Variants in MBOAT2 observed in about 807,000 individuals in gnomAD.
MBOAT2 encodes the protein membrane-bound glycerophospholipid O-acyltransferase 2.
In MBOAT2, 28 loss-of-function variants were observed where a neutral mutation model predicts 63.4. The ratio of observed to expected loss-of-function variants is 0.44; its 90% CI spans 0.33 to 0.61. The LOEUF (loss-of-function observed/expected upper bound fraction) is 0.61, where lower values mean the gene tolerates loss of function less well. Ranked by LOEUF, MBOAT2 falls within the 20% of genes least tolerant of loss-of-function variation. The probability of loss-of-function intolerance (pLI) is 0.03; values close to 1 mark genes in which losing one functional copy is unlikely to be tolerated. For missense variants in MBOAT2, 470 were observed against 605.8 expected (o/e 0.78, Z 2.35); for synonymous variants, 211 against 215.6 (o/e 0.98, Z 0.19).
intron 3 of MBOAT2, among the ~76,000 whole-genome samples, chr2:8,922,930 T>G (rs1666683081): frequency 6.6e-6 from 1 of 152,226 alleles, no homozygotes; most frequent in African/African-American, 2.4e-5. Context: ...CCAAATCAAG[T>G]CAGCTGGTTT....
At chr2:8,966,384 G>A (rs1178259378) in intron 1 of MBOAT2, among the ~76,000 whole-genome samples, 2 of 152,200 alleles carry the variant, frequency 1.3e-5, no homozygotes, top group Non-Finnish European at 2.9e-5. Context: ...CAAGCGCCCT[G>A]TGCTGGAATC....
At position 8,864,140 on chromosome 2, in the gene MBOAT2, C is replaced by T. The variant is rs138909690; in HGVS notation, c.1052+30G>A. 5.3e-5 allele frequency: 80 copies of T among 1,499,594 alleles called. No individual in the cohort carries two copies. In the African/African-American group the frequency reaches 1.1e-3, roughly 20 times the overall value. 92.9% of individuals were successfully genotyped at this position (1,499,594 alleles called of 1,614,324 possible). A position where few individuals can be genotyped will look rare whatever the true frequency, so the allele number is the denominator to read the frequency against. On this transcript the variant is annotated intron_variant, in intron 10 of 12. Transcript: ENST00000305997. ...ACCTCGAGAACTAGACGCCAAAGCA[C>T]ATCTAAAGATCGTTTTTGAAGGAAC...
chr2:8,882,954 A>G (rs1663251410), intron 5 of MBOAT2, among the ~76,000 whole-genome samples: 1 of 152,218 alleles, frequency 6.6e-6, no homozygotes, highest in Admixed American at 6.5e-5. Context: ...ATCAACCTAA[A>G]GCAAAGAGCA....
At position 8,875,698 on chromosome 2, in the gene MBOAT2, CA is replaced by C. The variant is rs1295503248; in HGVS notation, c.690+1331del. Among the ~76,000 whole-genome samples, 5 of 152,208 alleles carry C rather than the reference CA, an allele frequency of 3.3e-5. No homozygotes were observed. In the East Asian group the frequency reaches 9.6e-4, roughly 29 times the overall value. On this transcript the variant is annotated intron_variant, in intron 7 of 12. Coordinates refer to ENST00000305997, the MANE Select transcript of MBOAT2 (RefSeq NM_138799.4). ...GAATAAACTTCTAAGAAGCTGTCTACAATTGTCTTTACCTTCTCTTACAGCA... is the reference window on the plus strand; with the variant it reads ...GAATAAACTTCTAAGAAGCTGTCTACATTGTCTTTACCTTCTCTTACAGCA...
chr2:9,000,476 T>C (rs765134655), intron 1 of MBOAT2, among the ~76,000 whole-genome samples: 35 of 152,234 alleles, frequency 2.3e-4, no homozygotes, highest in Non-Finnish European at 8.8e-5. Flanking sequence ...GAACAACTTA[T>C]TATCACTATG....
At chr2:8,864,659 G>A (rs1056346371) in intron 9 of MBOAT2, among the ~76,000 whole-genome samples, 3 of 151,958 alleles carry the variant, frequency 2.0e-5, no homozygotes, top group East Asian at 1.9e-4. Context: ...CCCTGCCATC[G>A]TCTCTCGGTG....
chr2:9,001,125 ATGTC>A (rs1038261924), intron 1 of MBOAT2, among the ~76,000 whole-genome samples: 4 of 152,126 alleles, frequency 2.6e-5, no homozygotes, highest in Non-Finnish European at 2.9e-5. Flanking sequence ...CGGAGCTGTC[ATGTC>A]CTACAATAAC....
intron 1 of MBOAT2, among the ~76,000 whole-genome samples, chr2:8,988,871 T>C (rs913119744): frequency 6.6e-6 from 1 of 152,140 alleles, no homozygotes; most frequent in Non-Finnish European, 1.5e-5. Flanking sequence ...TAATGAATCA[T>C]ACACAATAAA....
intron 3 of MBOAT2, among the ~76,000 whole-genome samples, chr2:8,939,904 G>C (rs550487068): frequency 2.0e-5 from 3 of 151,996 alleles, no homozygotes; most frequent in Admixed American, 1.3e-4. Flanking sequence ...ATAGTTTTTC[G>C]TTTCATAAAA....
intron 3 of MBOAT2, among the ~76,000 whole-genome samples, chr2:8,938,841 T>C (rs1348603959): frequency 1.3e-5 from 2 of 152,226 alleles, no homozygotes; most frequent in Admixed American, 6.5e-5. Context: ...TGCAGTAAAG[T>C]CTGCCCTTGC....
chr2:8,894,527 G>A (rs1365532956), intron 4 of MBOAT2, among the ~76,000 whole-genome samples: 1 of 152,140 alleles, frequency 6.6e-6, no homozygotes, highest in African/African-American at 2.4e-5. Flanking sequence ...GGGCCAAGGG[G>A]GGCCTTCCAT....
chr2:8,962,628 T>G (rs1005399689), intron 1 of MBOAT2, among the ~76,000 whole-genome samples: 1 of 152,098 alleles, frequency 6.6e-6, no homozygotes, highest in Non-Finnish European at 1.5e-5. Context: ...CCTGTGAGAT[T>G]TGGAGATAGT....
rs115737870 is a variant in MBOAT2 at position 8,936,289 on chromosome 2, C to A, written c.299+6898G>T. On this transcript the variant is annotated intron_variant, in intron 3 of 12. Transcript: ENST00000305997. ...ACTGTTCATTTCAGAGGGTAAGGAG[C>A]CCATCTCCTTTATCTTTGAGTTCCT... 6.1e-3 allele frequency among the ~76,000 whole-genome samples: 922 copies of A among 152,196 alleles called. 17 individuals are homozygous for A. The highest frequency in any genetic ancestry group is 0.021 in the African/African-American group (885 of 41,514).
intron 1 of MBOAT2, among the ~76,000 whole-genome samples, chr2:8,993,614 G>C (rs963890355): frequency 6.6e-6 from 1 of 152,112 alleles, no homozygotes; most frequent in Non-Finnish European, 1.5e-5. Context: ...CACCCAGCAT[G>C]ACCCCACTAG....
intron 1 of MBOAT2, among the ~76,000 whole-genome samples, chr2:8,966,643 T>C (rs567762049): frequency 5.3e-5 from 8 of 152,306 alleles, no homozygotes; most frequent in African/African-American, 1.9e-4. Flanking sequence ...AACCATTTTT[T>C]ACATCTTTAT....
chr2:8,888,887 G>A (rs1283816145), intron 4 of MBOAT2, among the ~76,000 whole-genome samples: 1 of 151,912 alleles, frequency 6.6e-6, no homozygotes, highest in African/African-American at 2.4e-5. Context: ...AATAAAATAA[G>A]AATAAATAAA....
chr2:8,888,219 A>G lies in MBOAT2; in HGVS notation c.396-146T>C, dbSNP rs1335049534. On this transcript the variant is annotated intron_variant, in intron 4 of 12. Coordinates refer to ENST00000305997, the MANE Select transcript of MBOAT2 (RefSeq NM_138799.4). ...AAAAGACCTCCAAGGGATTTCAGCA[A>G]TAACTCAGAAGTTATGTATTTGAGG... The G allele has an allele frequency of 7.2e-6, 5 of 690,402 alleles. 1 individual carries two copies. In the Admixed American group the frequency reaches 8.7e-5, roughly 12 times the overall value. The allele number at this position is 690,402 out of a possible 1,614,324, so 42.8% of individuals were successfully genotyped here. A position where few individuals can be genotyped will look rare whatever the true frequency, so the allele number is the denominator to read the frequency against.
chr2:8,873,362 T>A, intron 7 of MBOAT2, 62 bp from the exon 8 acceptor site: 4 of 1,475,618 alleles, frequency 2.7e-6, no homozygotes, highest in Non-Finnish European at 3.7e-6. Flanking sequence ...TCATTCTATG[T>A]ATTATCGACA....
intron 4 of MBOAT2, among the ~76,000 whole-genome samples, chr2:8,894,863 G>A (rs968218073): frequency 2.6e-5 from 4 of 152,144 alleles, no homozygotes; most frequent in African/African-American, 7.2e-5. Flanking sequence ...CTTAAAGGCG[G>A]CACGTCTGGA....
Sources: allele counts gnomAD v4.1 joint callset (sites outside exome capture counted in the v4.1 genomes callset), GRCh38; gene constraint gnomAD v4.1.1; transcripts MANE v1.5; gene names NCBI Gene and HGNC (gene_info 2026-07-23, HGNC 2026-07-21).